NLGN1: variants seen among roughly 807,000 people sequenced by gnomAD.
NLGN1 encodes the protein neuroligin 1.
NLGN1 carries 12 observed loss-of-function variants against 65.5 expected under a neutral mutation model. The ratio of observed to expected loss-of-function variants is 0.18; its 90% CI spans 0.12 to 0.30. The LOEUF (loss-of-function observed/expected upper bound fraction) is 0.30, where lower values mean the gene tolerates loss of function less well. Ranked by LOEUF, NLGN1 falls within the 10% of genes least tolerant of loss-of-function variation. The pLI, the probability that NLGN1 is intolerant of heterozygous loss-of-function variation, is 1.00. For missense variants in NLGN1, 750 were observed against 1,007.1 expected, an observed-to-expected ratio of 0.74 and a Z score of 3.46; for synonymous variants, 350 against 359.5, an observed-to-expected ratio of 0.97 and a Z score of 0.30.
chr3:173,452,202 C>CTTTTTTTTT (rs572500549), intron 2 of NLGN1, among the ~76,000 whole-genome samples: 17 of 146,624 alleles, frequency 1.2e-4, no homozygotes, highest in African/African-American at 3.8e-4. Context: ...TCTTGGCTTC[C>CTTTTTTTTT]TTTTTTTTTT....
chr3:173,797,192 G>T (rs1714283133), intron 3 of NLGN1, among the ~76,000 whole-genome samples: 1 of 152,106 alleles, frequency 6.6e-6, no homozygotes, highest in South Asian at 2.1e-4. Flanking sequence ...TCAGTTTGCA[G>T]CCCTGAACTC....
At position 173,747,801 on chromosome 3, in the gene NLGN1, C is replaced by CTTTTTTTTTTTTTTTTTTTTTTTTTTTT. The variant is rs749749824; in HGVS notation, c.494-59876_494-59849dup. ...AATTTTCTTTCTTCTTCTTCTTGTT[C>CTTTTTTTTTTTTTTTTTTTTTTTTTTTT]TTTTTTTTTTTTTTTTTTTTTTTTT... On this transcript the variant is annotated intron_variant, in intron 3 of 6. Transcript: ENST00000457714. 1.4e-4 allele frequency among the ~76,000 whole-genome samples: 9 copies of CTTTTTTTTTTTTTTTTTTTTTTTTTTTT among 64,422 alleles called. 4 individuals carry two copies. The highest frequency in any genetic ancestry group is 3.1e-4 in the African/African-American group (5 of 16,084). 42.3% of individuals were successfully genotyped at this position (64,422 alleles called of 152,430 possible). A position where few individuals can be genotyped will look rare whatever the true frequency, so the allele number is the denominator to read the frequency against.
intron 4 of NLGN1, among the ~76,000 whole-genome samples, chr3:174,197,563 G>A (rs1733693202): frequency 6.8e-6 from 1 of 147,710 alleles, no homozygotes; most frequent in African/African-American, 2.5e-5. Flanking sequence ...CCTGGCTTGG[G>A]TAACAATAAC....
intron 2 of NLGN1, among the ~76,000 whole-genome samples, chr3:173,541,936 T>C (rs2149233003): frequency 6.6e-6 from 1 of 152,130 alleles, no homozygotes; most frequent in East Asian, 1.9e-4. Flanking sequence ...ATGGACCCTA[T>C]CAACCAAAAA....
intron 2 of NLGN1, among the ~76,000 whole-genome samples, chr3:173,537,785 G>A (rs1159192568): frequency 6.6e-6 from 1 of 152,058 alleles, no homozygotes; most frequent in South Asian, 2.1e-4. Flanking sequence ...TTATGCACAG[G>A]ACATAGTGAT....
At chr3:173,819,928 T>C (rs1719884967) in intron 4 of NLGN1, among the ~76,000 whole-genome samples, 1 of 152,122 alleles carries the variant, frequency 6.6e-6, no homozygotes, top group Non-Finnish European at 1.5e-5. Flanking sequence ...GGGTAATAAA[T>C]TGTATTAACC....
Position 174,279,028 on chromosome 3 carries a change from G to A in NLGN1, c.1027G>A (p.Val343Ile). ...ACAGAAGAAGCCTTACAAAGAACTT[G>A]TTGACCAAGATATTCAACCAGCTCG... The change falls in exon 6 of 7, where the codon GTT becomes ATT. Residue 343 changes from valine (V) to isoleucine (I), a missense_variant. Physicochemically the swap from Val to Ile is conservative, Grantham distance 29. Transcript: ENST00000457714. The surrounding 1 kb of genome is among the most constrained non-coding windows in gnomAD (Gnocchi z 4.7). The A allele has an allele frequency of 6.2e-7, 1 of 1,606,488 alleles. No individual in the cohort carries two copies. Among genetic ancestry groups the A allele is most frequent in the African/African-American group, 1.3e-5 (1 of 74,620 alleles).
At chr3:173,928,468 G>A (rs916611454) in intron 4 of NLGN1, among the ~76,000 whole-genome samples, 1 of 152,160 alleles carries the variant, frequency 6.6e-6, no homozygotes, top group Non-Finnish European at 1.5e-5. Flanking sequence ...ACTAAGATCT[G>A]TAATACTTGG....
intron 4 of NLGN1, among the ~76,000 whole-genome samples, chr3:173,942,108 G>A (rs986625649): frequency 6.7e-5 from 9 of 133,584 alleles, no homozygotes; most frequent in Admixed American, 2.3e-4. Context: ...TGGTGGTTGG[G>A]GGTGTGTGTG....
At chr3:173,741,048 T>A (rs978669691) in intron 3 of NLGN1, among the ~76,000 whole-genome samples, 1 of 152,180 alleles carries the variant, frequency 6.6e-6, no homozygotes, top group Non-Finnish European at 1.5e-5. Flanking sequence ...GGTATACAAT[T>A]AGTTATCAGA....
intron 4 of NLGN1, among the ~76,000 whole-genome samples, chr3:174,162,056 G>A (rs1375173993): frequency 6.6e-6 from 1 of 151,558 alleles, no homozygotes; most frequent in Non-Finnish European, 1.5e-5. Flanking sequence ...TTAACTCCTG[G>A]GGTAGTTACA....
At chr3:173,707,682 G>C (rs1768262673) in intron 3 of NLGN1, among the ~76,000 whole-genome samples, 1 of 152,088 alleles carries the variant, frequency 6.6e-6, no homozygotes, top group Non-Finnish European at 1.5e-5. Context: ...AAATTATTTA[G>C]TGAAAACAGA....
chr3:173,406,083 G>T (rs1483090166), intron 1 of NLGN1, among the ~76,000 whole-genome samples: 1 of 151,914 alleles, frequency 6.6e-6, no homozygotes, highest in Non-Finnish European at 1.5e-5. Context: ...TGTTTTGGGA[G>T]ACTTGTCCAT....
intron 4 of NLGN1, among the ~76,000 whole-genome samples, chr3:174,241,894 G>A (rs1015254845): frequency 2.6e-5 from 4 of 152,030 alleles, no homozygotes; most frequent in African/African-American, 4.8e-5. Flanking sequence ...TCCTGACCTC[G>A]TGATCCGCCC....
intron 1 of NLGN1, among the ~76,000 whole-genome samples, chr3:173,420,020 A>C: frequency 6.7e-6 from 1 of 150,136 alleles, no homozygotes; most frequent in Admixed American, 6.6e-5. Flanking sequence ...AATAATAGTG[A>C]CCCCTGACCT....
intron 3 of NLGN1, among the ~76,000 whole-genome samples, chr3:173,766,157 C>T (rs1325433320): frequency 1.3e-5 from 2 of 150,712 alleles, no homozygotes; most frequent in African/African-American, 2.4e-5. Flanking sequence ...GGCGCCATCT[C>T]GGCTCACTGC....
rs553433959 is a variant in NLGN1, at chr3:174,221,114, A to G, written c.647-54201A>G. ...TATTATTGCCTACTATTTAAACTTTATTACTCCATTTTTCTGTCTGTGGTC... is the reference window on the plus strand; with the variant it reads ...TATTATTGCCTACTATTTAAACTTTGTTACTCCATTTTTCTGTCTGTGGTC... On this transcript the variant is annotated intron_variant, in intron 4 of 6. Coordinates refer to ENST00000457714, the Ensembl canonical transcript of NLGN1. 8.5e-5 allele frequency among the ~76,000 whole-genome samples: 13 copies of G among 152,254 alleles called. No individual in the cohort carries two copies. The East Asian group carries it at 2.5e-3, about 29-fold the overall frequency.
chr3:174,193,314 G>A (rs1732736533), intron 4 of NLGN1, among the ~76,000 whole-genome samples: 1 of 152,076 alleles, frequency 6.6e-6, no homozygotes, highest in African/African-American at 2.4e-5. Flanking sequence ...CTTTTCAAGA[G>A]TACCTTTTCC....
intron 3 of NLGN1, among the ~76,000 whole-genome samples, chr3:173,677,281 G>T (rs1018214845): frequency 2.6e-5 from 4 of 151,870 alleles, no homozygotes; most frequent in Non-Finnish European, 4.4e-5. Flanking sequence ...AGACCCAAAG[G>T]TAGTACCGTC....
Sources: allele counts gnomAD v4.1 joint callset (sites outside exome capture counted in the v4.1 genomes callset), GRCh38; gene constraint gnomAD v4.1.1; non-coding constraint Gnocchi (gnomAD v3.1); transcripts MANE v1.5; gene names NCBI Gene and HGNC (gene_info 2026-07-23, HGNC 2026-07-21).